The following VDAC1 variants were observed in gnomAD, a reference collection of about 807,000 sequenced individuals.
VDAC1 encodes the protein non-selective voltage-gated ion channel VDAC1.
Under a neutral mutation model 34.7 loss-of-function variants are expected in VDAC1, and 10 were observed. The observed-to-expected ratio is 0.29, with a 90% CI of 0.18 to 0.49. The LOEUF is 0.49. Ranked by LOEUF, VDAC1 falls within the 20% of genes least tolerant of loss-of-function variation. VDAC1 has a pLI of 0.99. For synonymous variants in VDAC1, 130 were observed against 136.0 expected (o/e 0.96, Z 0.30); for missense variants, 230 against 347.9 (o/e 0.66, Z 2.69).
At chr5:133,988,584 G>A (rs1416880238) in intron 5 of VDAC1, among the ~76,000 whole-genome samples, 2 of 151,998 alleles carry the variant, frequency 1.3e-5, no homozygotes, top group African/African-American at 4.8e-5. Flanking sequence ...CCAATACGGT[G>A]AAACCCCCGT....
At chr5:134,103,655 T>TATG in the VDAC1 span, among the ~76,000 whole-genome samples, 118 of 152,302 alleles carry the variant, frequency 7.7e-4, no homozygotes, top group African/African-American at 2.8e-3. Flanking sequence ...CTGTCTCAGG[T>TATG]ATGAGTCCCA....
chr5:134,022,457 A>G, the VDAC1 span, among the ~76,000 whole-genome samples: 4 of 152,222 alleles, frequency 2.6e-5, no homozygotes, highest in African/African-American at 9.6e-5. Flanking sequence ...ATCACTTGGC[A>G]GAAGGGCAAA....
chr5:134,074,351 AATAAAAG>A, the VDAC1 span, among the ~76,000 whole-genome samples: 1 of 144,848 alleles, frequency 6.9e-6, no homozygotes, highest in East Asian at 2.1e-4. Flanking sequence ...TAAATAAATA[AATAAAAG>A]CTTTGAAATG....
chr5:134,012,105 C>T, the VDAC1 span, among the ~76,000 whole-genome samples: 13 of 152,128 alleles, frequency 8.5e-5, no homozygotes, highest in African/African-American at 2.9e-4. Context: ...GATGCTACAC[C>T]GCTAGCTCTG....
At chr5:134,047,687 T>C in the VDAC1 span, among the ~76,000 whole-genome samples, 1 of 152,188 alleles carries the variant, frequency 6.6e-6, no homozygotes, top group Admixed American at 6.5e-5. Flanking sequence ...TCTTGTTCTG[T>C]TTTTTCTGTT....
intron 5 of VDAC1, among the ~76,000 whole-genome samples, chr5:133,990,543 G>A (rs943154854): frequency 9.2e-5 from 14 of 152,174 alleles, no homozygotes; most frequent in Non-Finnish European, 1.6e-4. Context: ...GCTCCTTGGC[G>A]GGTAACAATC....
At chr5:133,976,265 G>T in intron 6 of VDAC1, 1 of 418,592 alleles carries the variant, frequency 2.4e-6, no homozygotes, top group Non-Finnish European at 4.4e-6. Context: ...CAGCACTTTG[G>T]GAGGCCGAGA....
At chr5:134,035,314 T>C in the VDAC1 span, among the ~76,000 whole-genome samples, 3 of 152,206 alleles carry the variant, frequency 2.0e-5, no homozygotes. Context: ...CCATCATCTC[T>C]TACTGCAGCC....
the VDAC1 span, among the ~76,000 whole-genome samples, chr5:134,056,708 G>A: frequency 8.6e-5 from 13 of 151,912 alleles, no homozygotes; most frequent in Admixed American, 2.0e-4. Context: ...TTTTTGAGAC[G>A]GAGTTTCGCT....
intron 5 of VDAC1, among the ~76,000 whole-genome samples, chr5:133,987,806 C>A (rs1261359222): frequency 6.6e-6 from 1 of 152,188 alleles, no homozygotes; most frequent in African/African-American, 2.4e-5. Context: ...AGTAGCTTTA[C>A]AATGAAGAGA....
the VDAC1 span, among the ~76,000 whole-genome samples, chr5:134,026,782 T>A: frequency 6.6e-6 from 1 of 152,120 alleles, no homozygotes; most frequent in Non-Finnish European, 1.5e-5. Context: ...TCCAAGCCCG[T>A]CACCCCAAGC....
At chr5:134,087,522 G>A in the VDAC1 span, among the ~76,000 whole-genome samples, 2 of 152,170 alleles carry the variant, frequency 1.3e-5, no homozygotes, top group African/African-American at 4.8e-5. Context: ...CCCACTGAAA[G>A]GCAGTACTCG....
At chr5:134,067,341 C>T in the VDAC1 span, among the ~76,000 whole-genome samples, 1 of 146,606 alleles carries the variant, frequency 6.8e-6, no homozygotes, top group East Asian at 2.0e-4. Flanking sequence ...TCCCAAAGTG[C>T]TGGGATTACA....
the VDAC1 span, among the ~76,000 whole-genome samples, chr5:134,024,340 C>CA: frequency 6.6e-6 from 1 of 151,850 alleles, no homozygotes; most frequent in South Asian, 2.1e-4. Context: ...GCAGCCTGGT[C>CA]AACATGGTGA....
At chr5:133,994,839 G>C (rs938119394) in intron 1 of VDAC1, among the ~76,000 whole-genome samples, 4 of 152,078 alleles carry the variant, frequency 2.6e-5, no homozygotes, top group African/African-American at 7.2e-5. Flanking sequence ...CAGCCGGGGT[G>C]GGGGCTGGGG....
the VDAC1 span, among the ~76,000 whole-genome samples, chr5:134,044,411 C>A: frequency 1.3e-5 from 2 of 152,218 alleles, no homozygotes; most frequent in African/African-American, 4.8e-5. Context: ...TGTCGGGGAA[C>A]CTCCTCAGCT....
chr5:134,015,452 T>C, the VDAC1 span, among the ~76,000 whole-genome samples: 2 of 152,172 alleles, frequency 1.3e-5, no homozygotes, highest in African/African-American at 4.8e-5. Flanking sequence ...GGAACATTGA[T>C]CTTAAACTTC....
At chr5:133,975,788 C>G in intron 7 of VDAC1, 83 bp downstream of exon 7, 1 of 1,572,336 alleles carries the variant, frequency 6.4e-7, no homozygotes, top group African/African-American at 1.4e-5. Context: ...AGCTGAAGCA[C>G]AGCACTCCAG....
the VDAC1 span, among the ~76,000 whole-genome samples, chr5:134,027,435 G>GC: frequency 6.6e-6 from 1 of 152,308 alleles, no homozygotes; most frequent in Admixed American, 6.5e-5. Flanking sequence ...GAGAGCGACA[G>GC]CCCCTCCCTG....
Sources: allele counts gnomAD v4.1 joint callset (sites outside exome capture counted in the v4.1 genomes callset), GRCh38; gene constraint gnomAD v4.1.1; transcripts MANE v1.5; gene names NCBI Gene and HGNC (gene_info 2026-07-23, HGNC 2026-07-21).